Variants in HSPH1 observed in about 807,000 individuals in gnomAD.
HSPH1 encodes heat shock protein family H (Hsp110) member 1, also known as heat shock protein 105 kDa.
Under a neutral mutation model 100.0 loss-of-function variants are expected in HSPH1, and 40 were observed. The observed-to-expected ratio is 0.40, with a 90% CI of 0.31 to 0.52. The LOEUF (loss-of-function observed/expected upper bound fraction) is 0.52, where lower values mean the gene tolerates loss of function less well. Ranked by LOEUF, HSPH1 falls within the 20% of genes least tolerant of loss-of-function variation. HSPH1 has a pLI of 0.54. For synonymous variants in HSPH1, 403 were observed against 344.0 expected, an observed-to-expected ratio of 1.17 and a Z score of -1.90; for missense variants, 876 against 1,015.1, an observed-to-expected ratio of 0.86 and a Z score of 1.86.
At chr13:31,157,596 ATACAG>A (rs1364305662) in intron 2 of HSPH1, among the ~76,000 whole-genome samples, 1 of 152,212 alleles carries the variant, frequency 6.6e-6, no homozygotes, top group African/African-American at 2.4e-5. Context: ...ATAATATATA[ATACAG>A]TACTCAATCT....
chr13:31,142,859 T>C (rs1956145473), intron 12 of HSPH1, among the ~76,000 whole-genome samples: 1 of 152,050 alleles, frequency 6.6e-6, no homozygotes, highest in Non-Finnish European at 1.5e-5. Context: ...AAGCATCTAT[T>C]TTTCCAAATA....
chr13:31,145,856 A>C (rs1956248736), intron 10 of HSPH1, 88 bp from the exon 11 acceptor site: 1 of 1,218,556 alleles, frequency 8.2e-7, no homozygotes, highest in African/African-American at 1.5e-5. Context: ...TGGGTGGTTC[A>C]TGTCTGTAAT....
At chr13:31,157,118 T>C (rs1309769471) in intron 2 of HSPH1, among the ~76,000 whole-genome samples, 1 of 152,200 alleles carries the variant, frequency 6.6e-6, no homozygotes, top group Non-Finnish European at 1.5e-5. Flanking sequence ...TCAAACAATA[T>C]AGAATTCAAG....
rs80059740 is a variant in HSPH1 at position 31,161,828 on chromosome 13, G to A, written c.-246C>T. The A allele has an allele frequency of 6.8e-7, 1 of 1,477,540 alleles. No homozygotes were observed. Among genetic ancestry groups the A allele is most frequent in the Non-Finnish European group, 9.0e-7 (1 of 1,115,254 alleles). 91.5% of individuals were successfully genotyped at this position (1,477,540 alleles called of 1,614,324 possible). A position where few individuals can be genotyped will look rare whatever the true frequency, so the allele number is the denominator to read the frequency against. Reference sequence around the variant, plus strand: ...GAGAAAGCGGGGCTCAGCCTCCGCAGGTCGCTCCGCACCTCGGGTTGCCTG... The same window carrying A: ...GAGAAAGCGGGGCTCAGCCTCCGCAAGTCGCTCCGCACCTCGGGTTGCCTG... On this transcript the variant is annotated 5_prime_UTR_variant, in exon 1 of 18. Transcript: ENST00000320027.
rs1955873747 is a variant in HSPH1, at chr13:31,136,002, C to A, written c.*1316G>T. 1 of 151,468 alleles carries A rather than the reference C, an allele frequency of 6.6e-6. No homozygotes were observed. Among genetic ancestry groups the A allele is most frequent in the African/African-American group, 2.4e-5 (1 of 41,194 alleles). 9.4% of individuals were successfully genotyped at this position (151,468 alleles called of 1,614,324 possible). ...GAACTTGGGCAACATAGCGAAACCCCAGCTCTACCAAAAAAAAAAAAAGAA... is the reference window on the plus strand; with the variant it reads ...GAACTTGGGCAACATAGCGAAACCCAAGCTCTACCAAAAAAAAAAAAAGAA... On this transcript the variant is annotated 3_prime_UTR_variant, in exon 18 of 18. Coordinates refer to ENST00000320027, the MANE Select transcript of HSPH1 (RefSeq NM_006644.4).
intron 12 of HSPH1, 65 bp from the exon 13 acceptor site, chr13:31,141,324 A>C: frequency 7.2e-7 from 1 of 1,381,012 alleles, no homozygotes; most frequent in Non-Finnish European, 9.9e-7. Flanking sequence ...CACAAAAAAA[A>C]TGTCCTCATA....
At chr13:31,152,755 A>G in intron 5 of HSPH1, 97 bp downstream of exon 5, 2 of 812,334 alleles carry the variant, frequency 2.5e-6, no homozygotes, top group East Asian at 2.6e-5. Context: ...TGACTTTTTA[A>G]CAGGCTGTGT....
At chr13:31,152,538 C>A in intron 5 of HSPH1, 8 of 218,812 alleles carry the variant, frequency 3.7e-5, no homozygotes, top group Non-Finnish European at 6.4e-5. Context: ...GTTTTGAAGC[C>A]CAGAATTTTA....
At chr13:31,147,549 T>C (rs1956309537) in intron 10 of HSPH1, among the ~76,000 whole-genome samples, 1 of 152,074 alleles carries the variant, frequency 6.6e-6, no homozygotes, top group Admixed American at 6.6e-5. Flanking sequence ...AGAAGTAGAT[T>C]CACAATGGTC....
rs1294039208 is a variant in HSPH1, at chr13:31,158,871, A to G, written c.108-8T>C. ...CCAAATGATATGACTGACCTAGAAA[A>G]AAATATATTCCAAAAAATTAAAAAG... On this transcript the variant is annotated splice_region_variant and splice_polypyrimidine_tract_variant and intron_variant, in intron 1 of 17. Transcript: ENST00000320027. 3 of 1,545,032 alleles carry G rather than the reference A, an allele frequency of 1.9e-6. No homozygotes were observed. Among genetic ancestry groups the G allele is most frequent in the Non-Finnish European group, 2.7e-6 (3 of 1,117,886 alleles).
At position 31,138,837 on chromosome 13, in the gene HSPH1, C is replaced by T; in HGVS notation, c.2152G>A (p.Glu718Lys). 1.2e-6 allele frequency: 2 copies of T among 1,611,258 alleles called. No individual in the cohort carries two copies. The change falls in exon 16 of 18, where the codon GAA (glutamate) becomes AAA (lysine). Residue 718 changes from glutamate to lysine, a missense_variant. Coordinates refer to ENST00000320027, the MANE Select transcript of HSPH1 (RefSeq NM_006644.4). ...EAEERPKMFE[E>K]LGQRLQHYAK... ...TAATGCTGCAGCCTCTGTCCTAGTT[C>T]TTCAAACATTTTTGGCCGTTCTTCA...
At chr13:31,153,011 C>G in intron 4 of HSPH1, 60 bp from the exon 5 acceptor site, 1 of 1,146,042 alleles carries the variant, frequency 8.7e-7, no homozygotes, top group Non-Finnish European at 1.3e-6. Flanking sequence ...AGAAATTCCT[C>G]ACAAACCACT....
intron 2 of HSPH1, among the ~76,000 whole-genome samples, chr13:31,158,385 C>G (rs926257477): frequency 2.0e-5 from 3 of 151,960 alleles, no homozygotes; most frequent in Non-Finnish European, 2.9e-5. Flanking sequence ...CCCATCTCCA[C>G]TAAAAATACA....
intron 2 of HSPH1, among the ~76,000 whole-genome samples, chr13:31,155,859 G>A (rs919554209): frequency 6.6e-6 from 1 of 152,126 alleles, no homozygotes; most frequent in African/African-American, 2.4e-5. Flanking sequence ...GAAAATGCCA[G>A]AAAGTAAGCA....
At position 31,149,936 on chromosome 13, in the gene HSPH1, G is replaced by A; in HGVS notation, c.1137+18C>T. The A allele has an allele frequency of 6.3e-7, 1 of 1,593,412 alleles. No homozygotes were observed. The highest frequency in any genetic ancestry group is 8.6e-7 in the Non-Finnish European group (1 of 1,161,336). ...TTTAAAGACTGTACACCAAGCAAAA[G>A]CAGAGTTGAGAAAGTACCTGTAATG... On this transcript the variant is annotated intron_variant, in intron 8 of 17. Coordinates refer to ENST00000320027, the MANE Select transcript of HSPH1 (RefSeq NM_006644.4).
intron 12 of HSPH1, among the ~76,000 whole-genome samples, chr13:31,141,791 T>TACAC (rs1407930454): frequency 8.4e-5 from 6 of 71,578 alleles, no homozygotes; most frequent in East Asian, 9.1e-4. Flanking sequence ...ATATACTCCA[T>TACAC]ACACATACAT....
chr13:31,135,037 A>C lies in HSPH1; in HGVS notation c.*2281T>G, dbSNP rs1955851338. On this transcript the variant is annotated 3_prime_UTR_variant, in exon 18 of 18. Coordinates refer to ENST00000320027, the MANE Select transcript of HSPH1 (RefSeq NM_006644.4). Reference sequence around the variant, plus strand: ...AAATGACAATTTAAAATGAATTGTAAAATTTAATCTTTAAACAGCATTTAT... The same window carrying C: ...AAATGACAATTTAAAATGAATTGTACAATTTAATCTTTAAACAGCATTTAT... The C allele has an allele frequency of 6.6e-6, 1 of 152,252 alleles. No individual in the cohort carries two copies. The highest frequency in any genetic ancestry group is 6.5e-5 in the Admixed American group (1 of 15,288). 9.4% of individuals were successfully genotyped at this position (152,252 alleles called of 1,614,324 possible).
In HSPH1 at chr13:31,161,764, C is replaced by T. The variant is rs1956926770; in HGVS notation, c.-182G>A. ...GCGGCCTGTCAGGAGCCTCCTACTCCCCCGGGGACAGCGGCGGCTGGCTGA... is the reference window on the plus strand; with the variant it reads ...GCGGCCTGTCAGGAGCCTCCTACTCTCCCGGGGACAGCGGCGGCTGGCTGA... On this transcript the variant is annotated 5_prime_UTR_variant, in exon 1 of 18. Transcript: ENST00000320027. The T allele has an allele frequency of 1.3e-6, 2 of 1,514,164 alleles. No homozygotes were observed. The highest frequency in any genetic ancestry group is 1.4e-5 in the African/African-American group (1 of 72,214). The allele number at this position is 1,514,164 out of a possible 1,614,324, so 93.8% of individuals were successfully genotyped here. A position where few individuals can be genotyped will look rare whatever the true frequency, so the allele number is the denominator to read the frequency against.
chr13:31,143,368 T>G (rs1022335374), intron 12 of HSPH1, among the ~76,000 whole-genome samples: 1 of 152,102 alleles, frequency 6.6e-6, no homozygotes, highest in Non-Finnish European at 1.5e-5. Flanking sequence ...TTACTTAAAT[T>G]TGACCGATGG....
Sources: allele counts gnomAD v4.1 joint callset (sites outside exome capture counted in the v4.1 genomes callset), GRCh38; gene constraint gnomAD v4.1.1; transcripts MANE v1.5; gene names NCBI Gene and HGNC (gene_info 2026-07-23, HGNC 2026-07-21).